PRKCE: variants seen among roughly 807,000 people sequenced by gnomAD.
PRKCE encodes protein kinase C epsilon type.
PRKCE carries 16 observed loss-of-function variants against 85.4 expected under a neutral mutation model. That is an observed-to-expected ratio of 0.19 (90% confidence interval 0.13 to 0.28). The LOEUF is 0.28. Ranked by LOEUF, PRKCE falls within the 10% of genes least tolerant of loss-of-function variation. The pLI, the probability that PRKCE is intolerant of heterozygous loss-of-function variation, is 1.00. For missense variants in PRKCE, 573 were observed against 975.2 expected, an observed-to-expected ratio of 0.59 and a Z score of 5.49; for synonymous variants, 388 against 371.5, an observed-to-expected ratio of 1.04 and a Z score of -0.51.
chr2:45,720,318 A>G (rs1680506898), intron 1 of PRKCE, among the ~76,000 whole-genome samples: 1 of 152,128 alleles, frequency 6.6e-6, no homozygotes, highest in Non-Finnish European at 1.5e-5. Flanking sequence ...TTGGTAAAAG[A>G]ACTACCTGGG....
At chr2:45,734,366 A>G (rs7558528) in intron 1 of PRKCE, among the ~76,000 whole-genome samples, 2,322 of 141,254 alleles carry the variant, frequency 0.016, 59 homozygotes, top group African/African-American at 0.06. Context: ...TCCATCTCAG[A>G]AAAAAAAAAA....
At chr2:45,658,148 C>T (rs911010815) in intron 1 of PRKCE, among the ~76,000 whole-genome samples, 1 of 152,098 alleles carries the variant, frequency 6.6e-6, no homozygotes, top group African/African-American at 2.4e-5. Context: ...ATTGTCCATA[C>T]CTCCTTCGTG....
chr2:45,909,491 C>A (rs992739367), intron 2 of PRKCE, among the ~76,000 whole-genome samples: 1 of 152,184 alleles, frequency 6.6e-6, no homozygotes, highest in Non-Finnish European at 1.5e-5. Context: ...TAAGACTATT[C>A]CTGAAATGAT....
chr2:45,688,607 T>A (rs1025225399), intron 1 of PRKCE, among the ~76,000 whole-genome samples: 1 of 152,226 alleles, frequency 6.6e-6, no homozygotes, highest in Non-Finnish European at 1.5e-5. Flanking sequence ...TAATGGTGAA[T>A]GCCTAAACCA....
intron 1 of PRKCE, among the ~76,000 whole-genome samples, chr2:45,757,510 T>A (rs2104796822): frequency 6.6e-6 from 1 of 151,594 alleles, no homozygotes; most frequent in African/African-American, 2.4e-5. Flanking sequence ...CTACAAAAAA[T>A]AATAAAATTA....
At position 46,001,641 on chromosome 2, in the gene PRKCE, T is replaced by G. The variant is rs1018668608; in HGVS notation, c.966+95T>G. 60 of 1,389,750 alleles carry G rather than the reference T, an allele frequency of 4.3e-5. No individual in the cohort carries two copies. Among genetic ancestry groups the G allele is most frequent in the Non-Finnish European group, 5.4e-5 (57 of 1,055,444 alleles). The allele number at this position is 1,389,750 out of a possible 1,614,324, so 86.1% of individuals were successfully genotyped here. A position where few individuals can be genotyped will look rare whatever the true frequency, so the allele number is the denominator to read the frequency against. ...GTGCTCTGGAGTGAGGTAATAAGAT[T>G]CCTGGGTTTGAGGTATTTTACTCAG... On this transcript the variant is annotated intron_variant, in intron 7 of 14. Transcript: ENST00000306156. This position sits in a 1 kb window ranked among gnomAD's most constrained non-coding sequence, Gnocchi z 4.4.
At chr2:46,156,226 G>T (rs73926200) in intron 13 of PRKCE, among the ~76,000 whole-genome samples, 1,722 of 152,042 alleles carry the variant, frequency 0.011, 34 homozygotes, top group African/African-American at 0.039. Flanking sequence ...CTGGGCTCTG[G>T]CCATATTGGA....
intron 1 of PRKCE, among the ~76,000 whole-genome samples, chr2:45,702,079 C>T (rs181785095): frequency 1.3e-5 from 2 of 152,260 alleles, no homozygotes; most frequent in East Asian, 3.9e-4. Flanking sequence ...ATCCTAGCTA[C>T]TCAGGGGGCT....
chr2:46,038,728 G>A (rs1212244027), intron 10 of PRKCE, among the ~76,000 whole-genome samples: 1 of 149,170 alleles, frequency 6.7e-6, no homozygotes, highest in Non-Finnish European at 1.5e-5. Flanking sequence ...CCTTGCGAAT[G>A]ACCATCTTAT....
chr2:45,833,639 G>C (rs182736477), intron 1 of PRKCE, among the ~76,000 whole-genome samples: 3 of 152,154 alleles, frequency 2.0e-5, no homozygotes, highest in African/African-American at 7.2e-5. Context: ...ATTGGAACCC[G>C]GGTAGGCTAG....
In PRKCE at chr2:45,704,299, A is replaced by G. The variant is rs1187302648; in HGVS notation, c.348+51851A>G. Among the ~76,000 whole-genome samples, 75 of 151,998 alleles carry G rather than the reference A, an allele frequency of 4.9e-4. 1 individual carries two copies. Among genetic ancestry groups the G allele is most frequent in the Non-Finnish European group, 1.5e-5 (1 of 67,976 alleles). ...GGTTTTTCTGGTTTGTAGATTGTTCATTTTTCATTTCTTCTCTTGTCCCCT... is the reference window on the plus strand; with the variant it reads ...GGTTTTTCTGGTTTGTAGATTGTTCGTTTTTCATTTCTTCTCTTGTCCCCT... On this transcript the variant is annotated intron_variant, in intron 1 of 14. Transcript: ENST00000306156.
At chr2:46,047,877 C>G (rs1708622099) in intron 10 of PRKCE, among the ~76,000 whole-genome samples, 1 of 152,136 alleles carries the variant, frequency 6.6e-6, no homozygotes, top group Non-Finnish European at 1.5e-5. Flanking sequence ...AGTTTTCTGT[C>G]AAGTACCAGA....
intron 1 of PRKCE, among the ~76,000 whole-genome samples, chr2:45,828,785 A>G (rs537707617): frequency 2.0e-5 from 3 of 152,284 alleles, no homozygotes; most frequent in African/African-American, 7.2e-5. Flanking sequence ...ATTTTTAACA[A>G]AAAAGCTATA....
chr2:45,903,005 T>C (rs188371868), intron 2 of PRKCE, among the ~76,000 whole-genome samples: 2 of 152,336 alleles, frequency 1.3e-5, no homozygotes, highest in Admixed American at 6.5e-5. Context: ...AATTATGTAT[T>C]TTCCCCCCAG....
chr2:46,154,076 C>T (rs147067108), intron 13 of PRKCE, among the ~76,000 whole-genome samples: 5 of 152,146 alleles, frequency 3.3e-5, no homozygotes, highest in Non-Finnish European at 5.9e-5. Flanking sequence ...TGAGCCTCCA[C>T]GCCCGGCCTG....
intron 5 of PRKCE, among the ~76,000 whole-genome samples, chr2:45,984,219 T>C (rs1043709184): frequency 2.0e-5 from 3 of 152,242 alleles, no homozygotes. Context: ...ATTACAGATA[T>C]GATCCACTGC....
rs1360794938 is a variant in PRKCE at position 45,884,997 on chromosome 2, A to ATTTTTTTTTTT, written c.412+41935_412+41936insTTTTTTTTTTT. Among the ~76,000 whole-genome samples, 31 of 69,610 alleles carry ATTTTTTTTTTT rather than the reference A, an allele frequency of 4.5e-4. 2 individuals are homozygous for ATTTTTTTTTTT. In the East Asian group the frequency reaches 4.7e-3, roughly 11 times the overall value. 45.7% of individuals were successfully genotyped at this position (69,610 alleles called of 152,430 possible). ...TATATATATATATATATATATATAT[A>ATTTTTTTTTTT]TATATTTGTTGTTGTTGTTGTTGTT... On this transcript the variant is annotated intron_variant, in intron 2 of 14. Coordinates refer to ENST00000306156, the MANE Select transcript of PRKCE (RefSeq NM_005400.3).
chr2:45,984,680 G>A lies in PRKCE; in HGVS notation c.823G>A (p.Val275Ile). The change falls in exon 6 of 15, where the codon GTC (valine) becomes ATC (isoleucine). Residue 275 changes from valine (V) to isoleucine (I), a missense_variant and splice_region_variant. Val to Ile is a conservative substitution (Grantham distance 29). Transcript: ENST00000306156. Reference protein sequence around the residue: ...GLLRQGLQCKVCKMNVHRRCE... With the variant: ...GLLRQGLQCKICKMNVHRRCE... Reference sequence around the variant, plus strand: ...CTTGCGGCAGGGTTTGCAGTGTAAAGGTAAGTTGCTCCCTGCCCTGCCCTC... The same window carrying A: ...CTTGCGGCAGGGTTTGCAGTGTAAAAGTAAGTTGCTCCCTGCCCTGCCCTC... 1 of 1,598,008 alleles carries A rather than the reference G, an allele frequency of 6.3e-7. No homozygotes were observed.
chr2:46,055,165 A>T (rs1218760040), intron 10 of PRKCE, among the ~76,000 whole-genome samples: 1 of 152,254 alleles, frequency 6.6e-6, no homozygotes, highest in African/African-American at 2.4e-5. Flanking sequence ...ATCACCATGG[A>T]TGGCAAAACT....
Sources: gnomAD v4.1 joint callset for allele counts (sites outside exome capture counted in the v4.1 genomes callset) on GRCh38, gnomAD v4.1.1 for gene constraint, Gnocchi (gnomAD v3.1) non-coding constraint, MANE v1.5 for transcripts, NCBI Gene and HGNC (gene_info 2026-07-23, HGNC 2026-07-21) for gene names.